Variants in SNX25 observed in about 807,000 individuals in gnomAD.
SNX25 encodes the protein sorting nexin 25.
SNX25 carries 62 observed loss-of-function variants against 113.7 expected under a neutral mutation model. That is an observed-to-expected ratio of 0.55 (90% CI 0.44 to 0.67). SNX25 has a LOEUF of 0.67. SNX25 is among the 30% of genes least tolerant of loss of function. The pLI is 0.00. For missense variants in SNX25, 1,014 were observed against 1,161.0 expected, an observed-to-expected ratio of 0.87 and a Z score of 1.84; for synonymous variants, 421 against 436.2, an observed-to-expected ratio of 0.97 and a Z score of 0.43.
At chr4:185,289,130 G>A (rs1048771053) in intron 6 of SNX25, among the ~76,000 whole-genome samples, 3 of 152,216 alleles carry the variant, frequency 2.0e-5, no homozygotes, top group Non-Finnish European at 4.4e-5. Flanking sequence ...CCTCAGCTCA[G>A]CCTGTAAGGA....
rs188872115 is a variant in SNX25 at position 185,271,639 on chromosome 4, T to C, written c.1091+4484T>C. On this transcript the variant is annotated intron_variant, in intron 5 of 18. Transcript: ENST00000652585. ...CTGCTATCTGACTTTATTGGTGTTT[T>C]ACATTACTATCTTCAAATTGCTCTC... 1.0e-3 allele frequency among the ~76,000 whole-genome samples: 155 copies of C among 152,388 alleles called. 1 individual carries two copies. Among genetic ancestry groups the C allele is most frequent in the African/African-American group, 3.5e-3 (147 of 41,604 alleles).
At position 185,361,905 on chromosome 4, in the gene SNX25, A is replaced by T. The variant is rs184866540; in HGVS notation, c.2652-19A>T. The T allele has an allele frequency of 8.4e-4, 1,348 of 1,610,672 alleles. 26 individuals carry two copies. In the East Asian group the frequency reaches 0.027, roughly 32 times the overall value. ...CAATTTTTAAAAACCTCATCCAAGA[A>T]ATCTTTTTCTCTTAAAAGACAAATC... On this transcript the variant is annotated intron_variant, in intron 16 of 18. Coordinates refer to ENST00000652585, the MANE Select transcript of SNX25 (RefSeq NM_001378034.2).
intron 7 of SNX25, among the ~76,000 whole-genome samples, chr4:185,315,784 A>G (rs557906039): frequency 6.6e-6 from 1 of 152,344 alleles, no homozygotes; most frequent in African/African-American, 2.4e-5. Context: ...AGTCCTTAAC[A>G]AAAATACTGG....
chr4:185,300,472 A>G (rs1377605058), intron 6 of SNX25, among the ~76,000 whole-genome samples: 2 of 151,538 alleles, frequency 1.3e-5, no homozygotes, highest in Admixed American at 6.6e-5. Context: ...CTGGCCACGA[A>G]TTCTTTTTTT....
intron 15 of SNX25, among the ~76,000 whole-genome samples, chr4:185,354,847 G>A (rs1158475157): frequency 6.6e-6 from 1 of 152,188 alleles, no homozygotes; most frequent in East Asian, 1.9e-4. Flanking sequence ...TATGGCAGGT[G>A]CCCACGGGCA....
chr4:185,240,846 C>T (rs1216786629), intron 1 of SNX25, among the ~76,000 whole-genome samples: 11 of 147,710 alleles, frequency 7.4e-5, no homozygotes, highest in Admixed American at 4.0e-4. Flanking sequence ...TCAGACGGGG[C>T]GGCCGGGCAG....
chr4:185,269,991 TTTATCTTCTTCAA>T (rs1347352811), intron 5 of SNX25, among the ~76,000 whole-genome samples: 1 of 152,010 alleles, frequency 6.6e-6, no homozygotes, highest in East Asian at 1.9e-4. Context: ...GAATTAATGG[TTTATCTTCTTCAA>T]AATGTACCAG....
intron 6 of SNX25, among the ~76,000 whole-genome samples, chr4:185,306,144 G>C (rs917806038): frequency 6.6e-5 from 10 of 152,266 alleles, no homozygotes; most frequent in African/African-American, 2.2e-4. Flanking sequence ...AATATTTCTT[G>C]GATGAATGGG....
intron 12 of SNX25, among the ~76,000 whole-genome samples, chr4:185,345,015 CA>C (rs971611776): frequency 6.6e-6 from 1 of 151,948 alleles, no homozygotes; most frequent in African/African-American, 2.4e-5. Context: ...ATTGTGAAAC[CA>C]AAGTTTGTAT....
intron 15 of SNX25, among the ~76,000 whole-genome samples, chr4:185,354,640 A>G (rs971007269): frequency 3.3e-5 from 5 of 152,214 alleles, no homozygotes; most frequent in African/African-American, 1.2e-4. Context: ...TCAAAGTTCC[A>G]TTTCCTTAAG....
At chr4:185,326,281 T>C (rs746753903) in intron 9 of SNX25, among the ~76,000 whole-genome samples, 50 of 152,324 alleles carry the variant, frequency 3.3e-4, no homozygotes, top group African/African-American at 9.6e-4. Context: ...ATTCCTGTCC[T>C]GCTTGACATT....
At position 185,323,694 on chromosome 4, in the gene SNX25, A is replaced by G. The variant is rs771540400; in HGVS notation, c.1643A>G (p.Lys548Arg). 7.4e-6 allele frequency: 12 copies of G among 1,613,690 alleles called. No individual in the cohort carries two copies. In the African/African-American group the frequency reaches 1.2e-4, roughly 16 times the overall value. Reference protein sequence around the residue: ...KIQEDVYETLKDRYYPSFIVS... With the variant: ...KIQEDVYETLRDRYYPSFIVS... The stretch of plus-strand genomic sequence containing the variant: ...CAGGAAGATGTTTATGAGACCCTAA[A>G]GGATAGGTATTACCCTTCATTTATT... The change falls in exon 9 of 19, where the codon AAG becomes AGG. Residue 548 changes from lysine to arginine, a missense_variant. By Grantham distance (26) the Lys-to-Arg change is conservative (BLOSUM62 2). Coordinates refer to ENST00000652585, the MANE Select transcript of SNX25 (RefSeq NM_001378034.2).
chr4:185,261,253 C>T (rs1384337083), intron 3 of SNX25, among the ~76,000 whole-genome samples: 1 of 152,134 alleles, frequency 6.6e-6, no homozygotes, highest in East Asian at 1.9e-4. Flanking sequence ...TCTTGGCTCA[C>T]TGCAACCTCC....
At chr4:185,284,773 G>C (rs1751114275) in intron 5 of SNX25, among the ~76,000 whole-genome samples, 1 of 152,122 alleles carries the variant, frequency 6.6e-6, no homozygotes, top group Non-Finnish European at 1.5e-5. Flanking sequence ...TGAAGTCAGG[G>C]AGACAGGCCA....
intron 3 of SNX25, among the ~76,000 whole-genome samples, chr4:185,262,118 C>G (rs1463397746): frequency 6.6e-6 from 1 of 152,180 alleles, no homozygotes; most frequent in Non-Finnish European, 1.5e-5. Flanking sequence ...GGGTAGCACC[C>G]AGTTGAATTG....
chr4:185,306,968 C>T (rs983894000), intron 6 of SNX25, among the ~76,000 whole-genome samples: 2 of 152,130 alleles, frequency 1.3e-5, no homozygotes, highest in African/African-American at 4.8e-5. Context: ...AACACAAGTT[C>T]AGAAACCATT....
intron 2 of SNX25, 148 bp from the exon 3 acceptor site, chr4:185,258,700 T>C (rs1746802553): frequency 1.6e-6 from 1 of 638,186 alleles, no homozygotes; most frequent in African/African-American, 1.8e-5. Flanking sequence ...TTTAAAAGAC[T>C]TAGGAATTCT....
intron 6 of SNX25, among the ~76,000 whole-genome samples, chr4:185,292,272 G>A (rs1752279500): frequency 6.6e-6 from 1 of 151,830 alleles, no homozygotes; most frequent in Non-Finnish European, 1.5e-5. Context: ...AGTGACGAGG[G>A]GAAAAAAGTA....
In SNX25 at chr4:185,339,496, A is replaced by G; in HGVS notation, c.2032A>G (p.Ile678Val). ...CENLGMWKAS[I>V]TSGEVTEENG... The stretch of plus-strand genomic sequence containing the variant: ...AAACCTTGGCATGTGGAAAGCCTCC[A>G]TCACCAGTGGAGAGGTAGTTTTGAC... The change falls in exon 11 of 19, where the codon ATC (isoleucine) becomes GTC (valine). Residue 678 changes from isoleucine (I) to valine (V), a missense_variant. Transcript: ENST00000652585. 1 of 1,613,780 alleles carries G rather than the reference A, an allele frequency of 6.2e-7. No homozygotes were observed. The highest frequency in any genetic ancestry group is 1.3e-5 in the African/African-American group (1 of 75,052).
Sources: gnomAD v4.1 joint callset for allele counts (sites outside exome capture counted in the v4.1 genomes callset) on GRCh38, gnomAD v4.1.1 for gene constraint, MANE v1.5 for transcripts, NCBI Gene and HGNC (gene_info 2026-07-23, HGNC 2026-07-21) for gene names.